Variants in STK33 observed in about 807,000 individuals in gnomAD.
The protein encoded by STK33 is serine/threonine kinase 33, also known as serine/threonine-protein kinase 33.
STK33 carries 52 observed loss-of-function variants against 58.0 expected under a neutral mutation model. The observed-to-expected ratio is 0.90, with a 90% CI of 0.72 to 1.13. The LOEUF (loss-of-function observed/expected upper bound fraction) is 1.13. STK33 is among the 50% of genes most tolerant of loss of function. STK33 has a pLI of 0.00. For synonymous variants in STK33, 215 were observed against 200.1 expected, an observed-to-expected ratio of 1.07 and a Z score of -0.63; for missense variants, 630 against 604.2, an observed-to-expected ratio of 1.04 and a Z score of -0.45.
chr11:8,572,536 G>A (rs907479427), intron 1 of STK33, among the ~76,000 whole-genome samples: 3 of 152,104 alleles, frequency 2.0e-5, no homozygotes, highest in Non-Finnish European at 4.4e-5. Flanking sequence ...GTCTAACAGG[G>A]TAGAGAAATA....
downstream of STK33, among the ~76,000 whole-genome samples, chr11:8,389,330 C>T (rs1353855602): frequency 6.6e-6 from 1 of 152,212 alleles, no homozygotes; most frequent in Non-Finnish European, 1.5e-5. Context: ...TGGCTCTCCC[C>T]TTCTCTCATC....
chr11:8,392,556 T>G lies in STK33; in HGVS notation c.1499A>C (p.Tyr500Ser). The stretch of plus-strand genomic sequence containing the variant: ...GGACAGGGCGCCGGATTTAGCAGGG[T>G]ACTTGGTTGCTGTTCCTTGGCTTGG... ...VTPSQGTATK[Y>S]PAKSGALSRT... Residue 500 changes from tyrosine (Y) to serine (S), a missense_variant, in exon 16 of 16, where the codon TAC becomes TCC. Coordinates refer to ENST00000687296, the MANE Select transcript of STK33 (RefSeq NM_001352389.2). 6.2e-7 allele frequency: 1 copy of G among 1,614,058 alleles called. No individual in the cohort carries two copies. The highest frequency in any genetic ancestry group is 1.3e-5 in the African/African-American group (1 of 75,046).
the STK33 span, among the ~76,000 whole-genome samples, chr11:8,347,167 T>C: frequency 6.6e-6 from 1 of 152,332 alleles, no homozygotes; most frequent in Admixed American, 6.5e-5. Flanking sequence ...TATATCTTCA[T>C]TCAACTTCCT....
intron 1 of STK33, among the ~76,000 whole-genome samples, chr11:8,579,940 G>A (rs544595980): frequency 2.0e-5 from 3 of 152,034 alleles, no homozygotes; most frequent in Admixed American, 1.3e-4. Flanking sequence ...CAGTTTAAAC[G>A]GCTTTTATCC....
chr11:8,511,921 T>C (rs113090238), intron 1 of STK33, among the ~76,000 whole-genome samples: 2,188 of 152,188 alleles, frequency 0.014, 47 homozygotes, highest in African/African-American at 0.049. Context: ...AGTAATATTT[T>C]AAAGTATTGC....
chr11:8,439,869 T>TTTTATATATATATATA (rs1554930118), intron 12 of STK33, among the ~76,000 whole-genome samples: 4 of 107,274 alleles, frequency 3.7e-5, no homozygotes, highest in African/African-American at 1.4e-4. Flanking sequence ...TATATTATAA[T>TTTTATATATATATATA]TATATATATA....
the STK33 span, among the ~76,000 whole-genome samples, chr11:8,352,901 C>T: frequency 4.6e-5 from 7 of 152,258 alleles, no homozygotes; most frequent in African/African-American, 1.7e-4. Context: ...CATACCACCA[C>T]TCTTCCAGTG....
rs1008672873 is a variant in STK33, at chr11:8,552,956, G to T, written c.-466+41127C>A. Among the ~76,000 whole-genome samples, 3 of 151,100 alleles carry T rather than the reference G, an allele frequency of 2.0e-5. No homozygotes were observed. In the East Asian group the frequency reaches 5.8e-4, roughly 29 times the overall value. On this transcript the variant is annotated intron_variant, in intron 1 of 15. Coordinates refer to ENST00000687296, the MANE Select transcript of STK33 (RefSeq NM_001352389.2). Reference sequence around the variant, plus strand: ...GCTTGAGCCCAGGAGTTCAGGAGCTGCCTGGGCCATACAGTGAGACCTTGT... The same window carrying T: ...GCTTGAGCCCAGGAGTTCAGGAGCTTCCTGGGCCATACAGTGAGACCTTGT...
At chr11:8,491,206 G>C (rs761168076) in intron 1 of STK33, among the ~76,000 whole-genome samples, 1 of 152,204 alleles carries the variant, frequency 6.6e-6, no homozygotes, top group African/African-American at 2.4e-5. Context: ...AAAAAGATTA[G>C]ACGAATAGCT....
chr11:8,397,315 G>C (rs1057240104), intron 15 of STK33, among the ~76,000 whole-genome samples: 2 of 152,252 alleles, frequency 1.3e-5, no homozygotes, highest in Non-Finnish European at 2.9e-5. Flanking sequence ...AATATCCGCT[G>C]TTCTGCAGCC....
At chr11:8,477,738 A>G (rs1484437260) in intron 2 of STK33, among the ~76,000 whole-genome samples, 1 of 152,004 alleles carries the variant, frequency 6.6e-6, no homozygotes, top group Non-Finnish European at 1.5e-5. Context: ...ATTTTCATCA[A>G]TTTTTCAATA....
chr11:8,550,980 T>C (rs952690236), intron 1 of STK33, among the ~76,000 whole-genome samples: 1 of 152,042 alleles, frequency 6.6e-6, no homozygotes, highest in Non-Finnish European at 1.5e-5. Flanking sequence ...TACCCAAGAC[T>C]GGAAGAAAAA....
At chr11:8,425,214 T>C (rs902523223) in intron 14 of STK33, among the ~76,000 whole-genome samples, 2 of 152,140 alleles carry the variant, frequency 1.3e-5, no homozygotes, top group African/African-American at 2.4e-5. Context: ...GGCTAGCAGG[T>C]TTTCCCAGCA....
intron 1 of STK33, among the ~76,000 whole-genome samples, chr11:8,578,847 C>T (rs1193322091): frequency 6.6e-6 from 1 of 151,810 alleles, no homozygotes; most frequent in African/African-American, 2.4e-5. Context: ...GGTTTAAGTC[C>T]CCATTCTTCC....
At chr11:8,508,101 G>A (rs978623670) in intron 1 of STK33, among the ~76,000 whole-genome samples, 3 of 152,000 alleles carry the variant, frequency 2.0e-5, no homozygotes, top group Admixed American at 6.6e-5. Context: ...ATGTTAGCCA[G>A]GCTGGTCTTA....
intron 1 of STK33, among the ~76,000 whole-genome samples, chr11:8,490,732 A>T (rs1422412492): frequency 6.6e-6 from 1 of 152,160 alleles, no homozygotes; most frequent in Non-Finnish European, 1.5e-5. Flanking sequence ...AGGATCAGGC[A>T]GAAATATTTG....
At chr11:8,491,607 T>C (rs1255664973) in intron 1 of STK33, among the ~76,000 whole-genome samples, 6 of 151,990 alleles carry the variant, frequency 3.9e-5, no homozygotes, top group African/African-American at 9.7e-5. Flanking sequence ...CATAAAGATA[T>C]TCCTTGAGAA....
chr11:8,340,021 T>C, the STK33 span, among the ~76,000 whole-genome samples: 1,005 of 152,358 alleles, frequency 6.6e-3, 6 homozygotes, highest in African/African-American at 0.023. Context: ...GACCAGCACC[T>C]TGTTGAGCAG....
At chr11:8,498,532 A>G (rs1381878568) in intron 1 of STK33, among the ~76,000 whole-genome samples, 1 of 152,238 alleles carries the variant, frequency 6.6e-6, no homozygotes, top group Admixed American at 6.5e-5. Context: ...TTATAGATTC[A>G]GTGCTATCCC....
Sources: allele counts gnomAD v4.1 joint callset (sites outside exome capture counted in the v4.1 genomes callset), GRCh38; gene constraint gnomAD v4.1.1; transcripts MANE v1.5; gene names NCBI Gene and HGNC (gene_info 2026-07-23, HGNC 2026-07-21).